The following TBC1D5 variants were observed in gnomAD, a reference collection of about 807,000 sequenced individuals.
TBC1D5 encodes the protein TBC1 domain family member 5, also known as TBC1 domain family, member 5.
A neutral mutation model predicts 100.3 loss-of-function variants in TBC1D5; 75 were observed. The observed-to-expected ratio is 0.75, with a 90% CI of 0.62 to 0.91. The LOEUF is 0.91. Ranked by LOEUF, TBC1D5 falls within the 40% of genes least tolerant of loss-of-function variation. The probability of loss-of-function intolerance (pLI) is 0.00; values close to 1 mark genes in which losing one functional copy is unlikely to be tolerated. For missense variants in TBC1D5, 910 were observed against 942.4 expected (o/e 0.97, Z 0.45); for synonymous variants, 323 against 325.6 (o/e 0.99, Z 0.09).
At chr3:17,704,900 C>T (rs1298869133) in intron 1 of TBC1D5, among the ~76,000 whole-genome samples, 4 of 97,556 alleles carry the variant, frequency 4.1e-5, no homozygotes, top group Admixed American at 8.9e-5. Flanking sequence ...CCCTCCCGGA[C>T]GGGGCGGCTG....
At position 17,532,013 on chromosome 3, in the gene TBC1D5, A is replaced by C. The variant is rs531792606; in HGVS notation, c.-35-23408T>G. Among the ~76,000 whole-genome samples the C allele has an allele frequency of 3.8e-4, 58 of 152,270 alleles. No individual in the cohort carries two copies. In the South Asian group the frequency reaches 3.9e-3, roughly 10 times the overall value. ...ATCTAATTAAACTAAAGAGCTTCTG[A>C]ACAGCAAAAGAAACTACCGTCAGAG... is the stretch of plus-strand genomic sequence containing the variant. On this transcript the variant is annotated intron_variant, in intron 2 of 21. Transcript: ENST00000253692.
intron 1 of TBC1D5, among the ~76,000 whole-genome samples, chr3:17,652,737 A>G (rs1021489166): frequency 2.0e-5 from 3 of 152,214 alleles, no homozygotes; most frequent in Non-Finnish European, 2.9e-5. Flanking sequence ...CACCCTGATT[A>G]TTCTGTAACA....
At chr3:17,706,441 G>A (rs75532544) in intron 1 of TBC1D5, among the ~76,000 whole-genome samples, 9,959 of 148,614 alleles carry the variant, frequency 0.067, 635 homozygotes, top group African/African-American at 0.17. Context: ...ACACACACAC[G>A]CGCGCGCACA....
intron 3 of TBC1D5, among the ~76,000 whole-genome samples, chr3:17,463,783 AC>A (rs1485982185): frequency 2.0e-5 from 3 of 152,056 alleles, no homozygotes; most frequent in Non-Finnish European, 2.9e-5. Context: ...AAACAACTGT[AC>A]TTCCCAGCCA....
chr3:17,652,606 G>A (rs1457871195), intron 1 of TBC1D5, among the ~76,000 whole-genome samples: 4 of 152,098 alleles, frequency 2.6e-5, no homozygotes, highest in African/African-American at 7.2e-5. Flanking sequence ...GGAAAAATAG[G>A]TAGAGTCTGT....
intron 14 of TBC1D5, among the ~76,000 whole-genome samples, chr3:17,299,480 C>T (rs1485968928): frequency 2.6e-5 from 4 of 152,044 alleles, no homozygotes; most frequent in Admixed American, 2.6e-4. Flanking sequence ...TACATTGGTC[C>T]AAACACACAA....
At position 17,459,738 on chromosome 3, in the gene TBC1D5, G is replaced by GA. The variant is rs538273400; in HGVS notation, c.98-31220dup. Among the ~76,000 whole-genome samples, 866 of 133,076 alleles carry GA rather than the reference G, an allele frequency of 6.5e-3. 6 individuals are homozygous for GA. Among genetic ancestry groups the GA allele is most frequent in the South Asian group, 0.019 (79 of 4,150 alleles). 87.3% of individuals were successfully genotyped at this position (133,076 alleles called of 152,430 possible). Reference sequence around the variant, plus strand: ...CATTAGTGTAACCGATCTCTTAAAGGAAAAAAAAAAAAAAGATTTACAGCC... The same window carrying GA: ...CATTAGTGTAACCGATCTCTTAAAGGAAAAAAAAAAAAAAAGATTTACAGCC... On this transcript the variant is annotated intron_variant, in intron 3 of 21. Coordinates refer to ENST00000253692, the Ensembl canonical transcript of TBC1D5.
In TBC1D5 at chr3:17,625,257, C is replaced by T. The variant is rs181639222; in HGVS notation, c.-100-1344G>A. Among the ~76,000 whole-genome samples the T allele has an allele frequency of 1.2e-4, 19 of 152,038 alleles. No homozygotes were observed. In the East Asian group the frequency reaches 3.7e-3, roughly 29 times the overall value. On this transcript the variant is annotated intron_variant, in intron 1 of 21. Transcript: ENST00000253692. ...GAAATGAAAAAACAAAGGCCATATT[C>T]AGCACTTCAAGAACTCTGAATTACA...
intron 1 of TBC1D5, among the ~76,000 whole-genome samples, chr3:17,626,428 A>G (rs2063068395): frequency 1.3e-5 from 2 of 152,214 alleles, no homozygotes; most frequent in African/African-American, 4.8e-5. Flanking sequence ...TGAACTGTAC[A>G]TGGCTAAGAG....
chr3:17,535,052 C>T (rs1050778554), intron 2 of TBC1D5, among the ~76,000 whole-genome samples: 1 of 152,068 alleles, frequency 6.6e-6, no homozygotes, highest in Non-Finnish European at 1.5e-5. Flanking sequence ...TATCAATTTT[C>T]CTTGATTGTG....
At chr3:17,447,183 A>T (rs2094818935) in intron 3 of TBC1D5, among the ~76,000 whole-genome samples, 4 of 152,214 alleles carry the variant, frequency 2.6e-5, no homozygotes, top group Admixed American at 2.6e-4. Flanking sequence ...AGTGACAGTC[A>T]CCAGAGTAAA....
At chr3:17,717,263 A>T (rs1030778935) in intron 1 of TBC1D5, among the ~76,000 whole-genome samples, 16 of 151,960 alleles carry the variant, frequency 1.1e-4, no homozygotes, top group Non-Finnish European at 2.2e-4. Context: ...TTTTCAAAAA[A>T]AAAAAAGGGG....
intron 19 of TBC1D5, among the ~76,000 whole-genome samples, chr3:17,173,811 A>C (rs2067414310): frequency 6.6e-6 from 1 of 152,172 alleles, no homozygotes; most frequent in Non-Finnish European, 1.5e-5. Context: ...TATAAAATAG[A>C]GAGGTGGGAT....
chr3:17,411,690 C>T (rs2093929518), intron 4 of TBC1D5, among the ~76,000 whole-genome samples: 1 of 152,048 alleles, frequency 6.6e-6, no homozygotes, highest in African/African-American at 2.4e-5. Context: ...GCCATCTTGT[C>T]AAGTTAAGCA....
chr3:17,448,713 C>A (rs550277142), intron 3 of TBC1D5, among the ~76,000 whole-genome samples: 1 of 152,308 alleles, frequency 6.6e-6, no homozygotes, highest in East Asian at 1.9e-4. Context: ...TTCAGTCAAC[C>A]ATGCTATAAG....
At chr3:17,504,359 G>A (rs751117282) in intron 3 of TBC1D5, among the ~76,000 whole-genome samples, 2 of 150,118 alleles carry the variant, frequency 1.3e-5, no homozygotes, top group East Asian at 2.0e-4. Flanking sequence ...TGGGTGCAGC[G>A]CACCAGCATA....
intron 2 of TBC1D5, among the ~76,000 whole-genome samples, chr3:17,618,015 G>T (rs536506217): frequency 6.6e-6 from 1 of 152,312 alleles, no homozygotes; most frequent in Non-Finnish European, 1.5e-5. Context: ...TTCTGCTCTG[G>T]TTTCTCCCCA....
chr3:17,192,428 A>G (rs1028669728), intron 18 of TBC1D5, among the ~76,000 whole-genome samples: 1 of 151,978 alleles, frequency 6.6e-6, no homozygotes, highest in South Asian at 2.1e-4. Context: ...GTAGTATAGC[A>G]TTCTTATGGT....
chr3:17,299,732 G>A (rs537852602), intron 14 of TBC1D5, among the ~76,000 whole-genome samples: 5 of 151,970 alleles, frequency 3.3e-5, no homozygotes, highest in African/African-American at 7.2e-5. Context: ...GGTGGCGGGC[G>A]CCTGTAGTCC....
Sources: allele counts gnomAD v4.1 joint callset (sites outside exome capture counted in the v4.1 genomes callset), GRCh38; gene constraint gnomAD v4.1.1; transcripts MANE v1.5; gene names NCBI Gene and HGNC (gene_info 2026-07-23, HGNC 2026-07-21).